MGAT4C: variants seen among roughly 807,000 people sequenced by gnomAD.
MGAT4C encodes the protein MGAT4 family member C, also known as alpha-1,3-mannosyl-glycoprotein 4-beta-N-acetylglucosaminyltransferase C.
MGAT4C carries 19 observed loss-of-function variants against 40.1 expected under a neutral mutation model. That is an observed-to-expected ratio of 0.47 (90% CI 0.33 to 0.70). MGAT4C has a LOEUF of 0.70. Among genes scored for constraint, MGAT4C ranks in the 30% least tolerant of loss-of-function variants. The pLI is 0.02. For missense variants in MGAT4C, 491 were observed against 563.2 expected, an observed-to-expected ratio of 0.87 and a Z score of 1.30; for synonymous variants, 181 against 187.1, an observed-to-expected ratio of 0.97 and a Z score of 0.27.
Position 86,767,039 on chromosome 12 carries a change from A to G in MGAT4C, c.-261-39798T>C, listed in dbSNP as rs573706994. 3.3e-5 allele frequency among the ~76,000 whole-genome samples: 5 copies of G among 152,336 alleles called. No homozygotes were observed. In the South Asian group the frequency reaches 1.0e-3, roughly 32 times the overall value. ...AAATCAGAGCAGAAGTGAAGGAAATAAAGACACAAAAAACCCTTCAAAAAA... is the reference window on the plus strand; with the variant it reads ...AAATCAGAGCAGAAGTGAAGGAAATGAAGACACAAAAAACCCTTCAAAAAA... On this transcript the variant is annotated intron_variant, in intron 1 of 7. Transcript: ENST00000548651.
chr12:86,114,019 T>C (rs1877916704), intron 1 of MGAT4C, among the ~76,000 whole-genome samples: 1 of 151,914 alleles, frequency 6.6e-6, no homozygotes, highest in Non-Finnish European at 1.5e-5. Flanking sequence ...GTTGATAAGA[T>C]TGTGAGTTCT....
In MGAT4C at chr12:86,100,942, T is replaced by C. The variant is rs1592939185; in HGVS notation, c.-56-51219A>G. Among the ~76,000 whole-genome samples the C allele has an allele frequency of 2.0e-5, 3 of 151,744 alleles. No individual in the cohort carries two copies. The East Asian group carries it at 5.8e-4, about 29-fold the overall frequency. ...CAAGATTGTCTTCATAATTTATGCA[T>C]CAAATCTAAACTACTGCATAAAAAT... On this transcript the variant is annotated intron_variant, in intron 1 of 4. Transcript: ENST00000611864.
At chr12:86,243,492 C>G (rs982782497) in intron 1 of MGAT4C, among the ~76,000 whole-genome samples, 2 of 152,152 alleles carry the variant, frequency 1.3e-5, no homozygotes, top group South Asian at 4.1e-4. Flanking sequence ...GGGTCGCTCC[C>G]ATGATTTTAT....
chr12:86,748,199 C>T (rs1260251110), intron 1 of MGAT4C, among the ~76,000 whole-genome samples: 1 of 151,458 alleles, frequency 6.6e-6, no homozygotes, highest in Admixed American at 6.6e-5. Flanking sequence ...AAGTAGTTGA[C>T]TACTAAGGCA....
intron 4 of MGAT4C, among the ~76,000 whole-genome samples, chr12:86,302,194 TTAGATA>T (rs1304431335): frequency 6.6e-6 from 1 of 150,900 alleles, no homozygotes; most frequent in Non-Finnish European, 1.5e-5. Flanking sequence ...TAGAAATAGA[TTAGATA>T]TAAAGATTCT....
chr12:86,834,232 A>T (rs181759900), intron 1 of MGAT4C, among the ~76,000 whole-genome samples: 7 of 151,940 alleles, frequency 4.6e-5, no homozygotes, highest in Non-Finnish European at 1.5e-5. Context: ...ATCTATAGAT[A>T]GGTAGATAGA....
intron 2 of MGAT4C, among the ~76,000 whole-genome samples, chr12:86,700,152 GACAGAC>G (rs1950335172): frequency 3.4e-5 from 1 of 28,994 alleles, no homozygotes; most frequent in South Asian, 1.7e-3. Flanking sequence ...CAGACAGACA[GACAGAC>G]AGACAGACAG....
chr12:86,419,888 T>C (rs1033437005), intron 3 of MGAT4C, among the ~76,000 whole-genome samples: 105 of 152,154 alleles, frequency 6.9e-4, no homozygotes, highest in African/African-American at 2.4e-3. Context: ...AATTACTTTG[T>C]ATGTTATGTG....
rs1215876157 is a variant in MGAT4C at position 86,719,783 on chromosome 12, A to G, written c.-229+7426T>C. On this transcript the variant is annotated intron_variant, in intron 2 of 7. Transcript: ENST00000548651. Reference sequence around the variant, plus strand: ...CACCTGATAAAATTTCTTTAAAACTATGTGGGTTTTCAATGAATTAATGTG... The same window carrying G: ...CACCTGATAAAATTTCTTTAAAACTGTGTGGGTTTTCAATGAATTAATGTG... Among the ~76,000 whole-genome samples the G allele has an allele frequency of 3.3e-5, 5 of 152,174 alleles. No individual in the cohort carries two copies. In the East Asian group the frequency reaches 9.6e-4, roughly 29 times the overall value.
intron 4 of MGAT4C, among the ~76,000 whole-genome samples, chr12:86,310,190 G>A (rs1954035569): frequency 1.3e-5 from 2 of 151,882 alleles, no homozygotes; most frequent in African/African-American, 4.8e-5. Flanking sequence ...GGCAGGTAAT[G>A]TGAATGAGTA....
intron 2 of MGAT4C, among the ~76,000 whole-genome samples, chr12:86,705,532 G>A (rs1449142024): frequency 6.6e-6 from 1 of 151,508 alleles, no homozygotes; most frequent in Non-Finnish European, 1.5e-5. Context: ...ATGGATCCCA[G>A]GTAAAGAAAA....
chr12:86,039,588 T>C (rs1891602042), intron 2 of MGAT4C, among the ~76,000 whole-genome samples: 1 of 152,210 alleles, frequency 6.6e-6, no homozygotes, highest in Admixed American at 6.5e-5. Flanking sequence ...TTTATGTTTT[T>C]CCCTAAACTG....
At chr12:86,713,468 T>C (rs1330221253) in intron 2 of MGAT4C, among the ~76,000 whole-genome samples, 1 of 152,082 alleles carries the variant, frequency 6.6e-6, no homozygotes, top group Non-Finnish European at 1.5e-5. Flanking sequence ...CTGTTATAAA[T>C]TAATATTATA....
intron 2 of MGAT4C, among the ~76,000 whole-genome samples, chr12:86,711,345 C>A (rs1270104878): frequency 6.6e-6 from 1 of 151,988 alleles, no homozygotes; most frequent in East Asian, 1.9e-4. Flanking sequence ...GCTGCCAGTA[C>A]CAGGAGCTGG....
At chr12:86,721,423 T>C (rs1234689934) in intron 2 of MGAT4C, among the ~76,000 whole-genome samples, 1 of 150,898 alleles carries the variant, frequency 6.6e-6, no homozygotes, top group Non-Finnish European at 1.5e-5. Context: ...AAATGCACCA[T>C]AAGAAAAAAA....
intron 1 of MGAT4C, among the ~76,000 whole-genome samples, chr12:86,134,145 T>G (rs1370598107): frequency 6.6e-6 from 1 of 152,148 alleles, no homozygotes; most frequent in Non-Finnish European, 1.5e-5. Context: ...TCAGTTATGA[T>G]AGCCACTTAG....
intron 1 of MGAT4C, among the ~76,000 whole-genome samples, chr12:86,236,856 G>A (rs1388962241): frequency 6.6e-6 from 1 of 151,888 alleles, no homozygotes; most frequent in Non-Finnish European, 1.5e-5. Context: ...GTTATCTAAT[G>A]TGATTATCTT....
intron 2 of MGAT4C, among the ~76,000 whole-genome samples, chr12:86,643,218 A>C (rs915261027): frequency 6.6e-6 from 1 of 151,742 alleles, no homozygotes; most frequent in Admixed American, 6.6e-5. Context: ...AACAGCATTA[A>C]TTTATTCATG....
rs1222281281 is a variant in MGAT4C, at chr12:85,975,674, G to A, written c.*3615C>T. ...GAATGACAGAAGCAAGATCTAGAAA[G>A]TTTGGGATCATGAATCAAAAGAAAC... On this transcript the variant is annotated 3_prime_UTR_variant, in exon 5 of 5. Transcript: ENST00000611864. 6.6e-6 allele frequency: 1 copy of A among 150,898 alleles called. No homozygotes were observed. The highest frequency in any genetic ancestry group is 1.9e-4 in the East Asian group (1 of 5,158). The allele number at this position is 150,898 out of a possible 1,614,324, so 9.3% of individuals were successfully genotyped here.
Sources: allele counts gnomAD v4.1 joint callset (sites outside exome capture counted in the v4.1 genomes callset), GRCh38; gene constraint gnomAD v4.1.1; transcripts MANE v1.5; gene names NCBI Gene and HGNC (gene_info 2026-07-23, HGNC 2026-07-21).